The following METAP1D variants were observed in gnomAD, a reference collection of about 807,000 sequenced individuals.
METAP1D encodes methionyl aminopeptidase type 1D, mitochondrial.
A neutral mutation model predicts 40.5 loss-of-function variants in METAP1D; 31 were observed. That is an observed-to-expected ratio of 0.77 (90% CI 0.58 to 1.03). METAP1D has a LOEUF of 1.03. Ranked by LOEUF, METAP1D falls within the 50% of genes least tolerant of loss-of-function variation. The pLI, the probability that METAP1D is intolerant of heterozygous loss-of-function variation, is 0.00. For missense variants in METAP1D, 411 were observed against 420.7 expected, an observed-to-expected ratio of 0.98 and a Z score of 0.20; for synonymous variants, 151 against 146.4, an observed-to-expected ratio of 1.03 and a Z score of -0.22.
intron 1 of METAP1D, among the ~76,000 whole-genome samples, chr2:172,045,126 G>A (rs1413880042): frequency 7.4e-6 from 1 of 134,570 alleles, no homozygotes; most frequent in Non-Finnish European, 1.7e-5. Context: ...AAGTTGCAGT[G>A]TTTGTGAACA....
chr2:172,068,650 A>C (rs1690348237), intron 5 of METAP1D, among the ~76,000 whole-genome samples: 1 of 151,854 alleles, frequency 6.6e-6, no homozygotes, highest in Admixed American at 6.6e-5. Flanking sequence ...AGTAACTGAG[A>C]CTACAGGCAC....
intron 1 of METAP1D, among the ~76,000 whole-genome samples, chr2:172,015,089 G>A (rs1688824303): frequency 6.6e-6 from 1 of 152,134 alleles, no homozygotes; most frequent in African/African-American, 2.4e-5. Flanking sequence ...TTATAAAATA[G>A]CCACAAAATT....
chr2:172,061,641 C>T lies in METAP1D; in HGVS notation c.184C>T (p.His62Tyr), dbSNP rs1441460400. ...TTTGCCGGCTGCAGTTTCTTCAGCT[C>T]ATCCGGTTCCTAAGGTACTGTATTG... The part of the protein sequence containing the change: ...IVLPAAVSSA[H>Y]PVPKHIKKPD... Residue 62 changes from histidine to tyrosine, a missense_variant, in exon 2 of 10, where the codon CAT (histidine) becomes TAT (tyrosine). His to Tyr is a moderately conservative substitution (Grantham distance 83). Coordinates refer to ENST00000315796, the MANE Select transcript of METAP1D (RefSeq NM_199227.3). The T allele has an allele frequency of 1.9e-6, 3 of 1,612,098 alleles. No individual in the cohort carries two copies. The highest frequency in any genetic ancestry group is 1.7e-5 in the Admixed American group (1 of 59,674).
chr2:172,080,439 CT>C lies in METAP1D; in HGVS notation c.*38del. On this transcript the variant is annotated 3_prime_UTR_variant, in exon 10 of 10. Transcript: ENST00000315796. ...CCCGAAGGTCGCGGTGACCTGGTGC[CT>C]TTTTAAATAAATTGCTGAAATTTGG... 1.2e-6 allele frequency: 2 copies of C among 1,607,044 alleles called. No individual in the cohort carries two copies. Among genetic ancestry groups the C allele is most frequent in the Non-Finnish European group, 1.7e-6 (2 of 1,174,030 alleles).
intron 1 of METAP1D, among the ~76,000 whole-genome samples, chr2:172,044,362 C>G (rs1338644607): frequency 9.2e-6 from 1 of 108,320 alleles, no homozygotes; most frequent in Admixed American, 1.0e-4. Flanking sequence ...AGATCAAGAC[C>G]ATCCTGGCAA....
intron 1 of METAP1D, among the ~76,000 whole-genome samples, chr2:172,010,412 C>CTA (rs1277072298): frequency 7.4e-6 from 1 of 134,546 alleles, no homozygotes; most frequent in Non-Finnish European, 1.5e-5. Flanking sequence ...TCCCAGAGTA[C>CTA]TAGGATTATA....
chr2:172,081,903 G>T lies in METAP1D; in HGVS notation c.*1497G>T, dbSNP rs1255510282. 1 of 152,272 alleles carries T rather than the reference G, an allele frequency of 6.6e-6. No individual in the cohort carries two copies. The highest frequency in any genetic ancestry group is 1.9e-4 in the East Asian group (1 of 5,202). The allele number at this position is 152,272 out of a possible 1,614,324, so 9.4% of individuals were successfully genotyped here. The stretch of plus-strand genomic sequence containing the variant: ...TGAGGACCAGGTGGCTCGGAAAAGA[G>T]ATGAGTTCCAGCTTTTACCTAACAC... On this transcript the variant is annotated 3_prime_UTR_variant, in exon 10 of 10. Coordinates refer to ENST00000315796, the MANE Select transcript of METAP1D (RefSeq NM_199227.3).
intron 1 of METAP1D, among the ~76,000 whole-genome samples, chr2:172,058,526 A>C (rs1030654627): frequency 3.4e-5 from 5 of 147,650 alleles, no homozygotes; most frequent in Non-Finnish European, 7.5e-5. Context: ...TACACAATAC[A>C]TACCTGCCTC....
At chr2:172,063,627 T>A in intron 2 of METAP1D, 84 bp from the exon 3 acceptor site, 1 of 1,054,182 alleles carries the variant, frequency 9.5e-7, no homozygotes, top group Non-Finnish European at 1.4e-6. Flanking sequence ...CAGAGCTCCA[T>A]GAAGCAGGAG....
chr2:172,015,610 A>G (rs1441050268), intron 1 of METAP1D, among the ~76,000 whole-genome samples: 3 of 152,110 alleles, frequency 2.0e-5, no homozygotes, highest in African/African-American at 7.2e-5. Context: ...ACTGCCTATT[A>G]AACTATTATA....
At chr2:172,035,671 A>G (rs2105423153) in intron 1 of METAP1D, among the ~76,000 whole-genome samples, 1 of 151,594 alleles carries the variant, frequency 6.6e-6, no homozygotes, top group East Asian at 2.0e-4. Flanking sequence ...TTGTTTTGAG[A>G]CAGGGTCTTC....
chr2:172,082,081 T>G lies in METAP1D; in HGVS notation c.*1675T>G, dbSNP rs1278423459. Reference sequence around the variant, plus strand: ...TGATTTACAAGGTCCATAGAAAAACTTTTTGTGTGGTCGGAAGTTGGCCAA... The same window carrying G: ...TGATTTACAAGGTCCATAGAAAAACGTTTTGTGTGGTCGGAAGTTGGCCAA... On this transcript the variant is annotated 3_prime_UTR_variant, in exon 10 of 10. Coordinates refer to ENST00000315796, the MANE Select transcript of METAP1D (RefSeq NM_199227.3). 6.6e-6 allele frequency: 1 copy of G among 152,298 alleles called. No homozygotes were observed. Among genetic ancestry groups the G allele is most frequent in the Non-Finnish European group, 1.5e-5 (1 of 68,190 alleles). 9.4% of individuals were successfully genotyped at this position (152,298 alleles called of 1,614,324 possible).
At chr2:172,066,155 T>A in intron 4 of METAP1D, 109 bp from the exon 5 acceptor site, 2 of 820,950 alleles carry the variant, frequency 2.4e-6, no homozygotes, top group Non-Finnish European at 3.9e-6. Flanking sequence ...TCACTCCAAA[T>A]TATCACTGCA....
At chr2:172,049,578 AC>A (rs1689843666) in intron 1 of METAP1D, among the ~76,000 whole-genome samples, 1 of 152,162 alleles carries the variant, frequency 6.6e-6, no homozygotes, top group South Asian at 2.1e-4. Flanking sequence ...CATATGGTCA[AC>A]CAGGTATACC....
chr2:172,007,920 T>C (rs139249312), intron 1 of METAP1D, among the ~76,000 whole-genome samples: 22 of 152,044 alleles, frequency 1.4e-4, no homozygotes, highest in African/African-American at 5.3e-4. Flanking sequence ...CAACTCCTGA[T>C]CTCAAGTGAT....
chr2:172,075,614 A>G (rs1029512114), intron 6 of METAP1D, among the ~76,000 whole-genome samples: 1 of 152,220 alleles, frequency 6.6e-6, no homozygotes, highest in Non-Finnish European at 1.5e-5. Flanking sequence ...AAACCCTACA[A>G]TCAGGTAAAT....
At chr2:172,074,153 C>A (rs1042970475) in intron 6 of METAP1D, among the ~76,000 whole-genome samples, 1 of 152,096 alleles carries the variant, frequency 6.6e-6, no homozygotes, top group African/African-American at 2.4e-5. Context: ...CTAGATTATA[C>A]AATCTGTACA....
At chr2:172,053,285 T>A (rs1689928702) in intron 1 of METAP1D, among the ~76,000 whole-genome samples, 1 of 152,246 alleles carries the variant, frequency 6.6e-6, no homozygotes, top group African/African-American at 2.4e-5. Flanking sequence ...GTGATCTTTC[T>A]GTGGGTCTAA....
chr2:172,055,204 T>G (rs1689974704), intron 1 of METAP1D, among the ~76,000 whole-genome samples: 1 of 152,174 alleles, frequency 6.6e-6, no homozygotes, highest in Non-Finnish European at 1.5e-5. Flanking sequence ...CCTGAATGAA[T>G]GATAGTGTGT....
Sources: allele counts gnomAD v4.1 joint callset (sites outside exome capture counted in the v4.1 genomes callset), GRCh38; gene constraint gnomAD v4.1.1; transcripts MANE v1.5; gene names NCBI Gene and HGNC (gene_info 2026-07-23, HGNC 2026-07-21).